The following DLC1 variants were observed in gnomAD, a reference collection of about 807,000 sequenced individuals.
DLC1 encodes the protein DLC1 Rho GTPase activating protein.
In DLC1, 54 loss-of-function variants were observed where a neutral mutation model predicts 140.3. The ratio of observed to expected loss-of-function variants is 0.38; its 90% CI spans 0.31 to 0.48. The LOEUF is 0.48. Ranked by LOEUF, DLC1 falls within the 20% of genes least tolerant of loss-of-function variation. The pLI, the probability that DLC1 is intolerant of heterozygous loss-of-function variation, is 0.96. For missense variants in DLC1, 2,536 were observed against 1,907.0 expected (o/e 1.33, Z -6.14); for synonymous variants, 986 against 728.1 (o/e 1.35, Z -5.70).
chr8:13,137,796 C>T (rs1054873641), intron 5 of DLC1, among the ~76,000 whole-genome samples: 2 of 151,738 alleles, frequency 1.3e-5, no homozygotes, highest in Admixed American at 6.6e-5. Context: ...TGGGGTTTCA[C>T]CACATTGGCC....
At chr8:13,143,844 G>GAGAGAGAGAGAGAGAC (rs1554584116) in intron 5 of DLC1, among the ~76,000 whole-genome samples, 44 of 148,264 alleles carry the variant, frequency 3.0e-4, no homozygotes, top group Admixed American at 1.5e-3. Flanking sequence ...GAGAGAGAGA[G>GAGAGAGAGAGAGAGAC]AGAGAGAGAC....
At chr8:13,138,145 C>G (rs1822706300) in intron 5 of DLC1, among the ~76,000 whole-genome samples, 1 of 152,120 alleles carries the variant, frequency 6.6e-6, no homozygotes, top group African/African-American at 2.4e-5. Context: ...TTAAAAAACA[C>G]TAAAGCACTG....
At chr8:13,372,145 A>AGT (rs56329029) in intron 4 of DLC1, among the ~76,000 whole-genome samples, 1,645 of 150,192 alleles carry the variant, frequency 0.011, 14 homozygotes, top group Middle Eastern at 0.034. Flanking sequence ...TTCAAAAAAA[A>AGT]GTGTGTGTGT....
chr8:13,268,459 C>T (rs911827057), intron 5 of DLC1, among the ~76,000 whole-genome samples: 1 of 152,078 alleles, frequency 6.6e-6, no homozygotes, highest in African/African-American at 2.4e-5. Context: ...GGACTACAGG[C>T]GCGCAGCCTC....
At position 13,133,360 on chromosome 8, in the gene DLC1, C is replaced by A. The variant is rs182582192; in HGVS notation, c.1349-17703G>T. 7.9e-5 allele frequency: 83 copies of A among 1,052,868 alleles called. No homozygotes were observed. The African/African-American group carries it at 1.4e-3, about 18-fold the overall frequency. 65.2% of individuals were successfully genotyped at this position (1,052,868 alleles called of 1,614,324 possible). On this transcript the variant is annotated intron_variant, in intron 5 of 17. Transcript: ENST00000276297. Reference sequence around the variant, plus strand: ...CCCCGAGGGGCGGGGCCAGAGCGGGCGGCACCGCCTCCTCCCCGCTGTCTG... The same window carrying A: ...CCCCGAGGGGCGGGGCCAGAGCGGGAGGCACCGCCTCCTCCCCGCTGTCTG...
chr8:13,420,487 C>A (rs1193366769), intron 2 of DLC1, among the ~76,000 whole-genome samples: 2 of 152,048 alleles, frequency 1.3e-5, no homozygotes, highest in African/African-American at 2.4e-5. Flanking sequence ...GTTTGCTGCA[C>A]CTATCAACCC....
intron 4 of DLC1, among the ~76,000 whole-genome samples, chr8:13,335,009 C>G (rs147546484): frequency 1.2e-4 from 18 of 152,266 alleles, no homozygotes; most frequent in Non-Finnish European, 1.6e-4. Flanking sequence ...CTCAGGGGCT[C>G]TAGCTGGTTG....
Position 13,092,731 on chromosome 8 carries a change from G to T in DLC1, c.3621C>A (p.Phe1207Leu), listed in dbSNP as rs746095054. Residue 1207 changes from phenylalanine to leucine, a missense_variant, in exon 13 of 18, where the codon TTC (phenylalanine) becomes TTA (leucine). Physicochemically the swap from Phe to Leu is conservative, Grantham distance 22. Coordinates refer to ENST00000276297, the MANE Select transcript of DLC1 (RefSeq NM_182643.3). The stretch of plus-strand genomic sequence containing the variant: ...TTACGGCTGCTGTGACATCGCTCAG[G>T]AAATAAAGCAGGGTCTGCAGAACCT... ...NREVLQTLLY[F>L]LSDVTAAVKE... 6.2e-7 allele frequency: 1 copy of T among 1,614,166 alleles called. No homozygotes were observed. Among genetic ancestry groups the T allele is most frequent in the Non-Finnish European group, 8.5e-7 (1 of 1,180,026 alleles).
intron 5 of DLC1, among the ~76,000 whole-genome samples, chr8:13,217,616 T>C (rs932637519): frequency 6.6e-6 from 1 of 152,026 alleles, no homozygotes; most frequent in South Asian, 2.1e-4. Context: ...GGGCGGATTA[T>C]GAGGTCAGGA....
At chr8:13,519,216 C>CT (rs1354643927), upstream of DLC1, among the ~76,000 whole-genome samples, 1 of 151,324 alleles carries the variant, frequency 6.6e-6, no homozygotes, top group Non-Finnish European at 1.5e-5. Context: ...CAAGCTCCGC[C>CT]TCCTAGGTTC....
At chr8:13,493,235 A>G (rs922345287) in intron 2 of DLC1, among the ~76,000 whole-genome samples, 2 of 152,196 alleles carry the variant, frequency 1.3e-5, no homozygotes, top group African/African-American at 2.4e-5. Context: ...GCAGAGCTAT[A>G]TATACCTACC....
At chr8:13,362,611 T>A (rs1310241802) in intron 4 of DLC1, among the ~76,000 whole-genome samples, 5 of 152,004 alleles carry the variant, frequency 3.3e-5, no homozygotes, top group Non-Finnish European at 5.9e-5. Context: ...GCCTAATTTT[T>A]CAATGGATGT....
At chr8:13,495,524 C>T (rs1801460507) in intron 2 of DLC1, among the ~76,000 whole-genome samples, 1 of 152,104 alleles carries the variant, frequency 6.6e-6, no homozygotes, top group African/African-American at 2.4e-5. Flanking sequence ...TCAGTGGCTT[C>T]AATTTCATTA....
At chr8:13,461,552 T>G (rs1799658149) in intron 2 of DLC1, among the ~76,000 whole-genome samples, 1 of 152,258 alleles carries the variant, frequency 6.6e-6, no homozygotes, top group African/African-American at 2.4e-5. Flanking sequence ...TCTGTAGTTT[T>G]TAATAATGAT....
intron 1 of DLC1, among the ~76,000 whole-genome samples, chr8:13,506,797 A>G (rs982109926): frequency 6.6e-6 from 1 of 152,010 alleles, no homozygotes; most frequent in African/African-American, 2.4e-5. Flanking sequence ...AACAGTTTCT[A>G]AAATGCTCTC....
At chr8:13,161,547 C>G (rs904175862) in intron 5 of DLC1, among the ~76,000 whole-genome samples, 1 of 152,014 alleles carries the variant, frequency 6.6e-6, no homozygotes, top group Admixed American at 6.6e-5. Flanking sequence ...GCTTTGTTGC[C>G]GCTGGTCTTG....
intron 4 of DLC1, among the ~76,000 whole-genome samples, chr8:13,365,275 G>A (rs2117092816): frequency 6.6e-6 from 1 of 152,182 alleles, no homozygotes; most frequent in Middle Eastern, 3.4e-3. Flanking sequence ...AGCATGCTAG[G>A]CTATTGAATG....
chr8:13,592,627 T>C (rs191674676), intron 1 of DLC1, among the ~76,000 whole-genome samples: 3 of 152,172 alleles, frequency 2.0e-5, no homozygotes, highest in Admixed American at 1.3e-4. Flanking sequence ...GAGTAAGTCT[T>C]GGATAGCTAA....
intron 5 of DLC1, chr8:13,214,761 T>A: frequency 1.3e-6 from 1 of 780,962 alleles, no homozygotes; most frequent in African/African-American, 1.7e-5. Flanking sequence ...CTTCCAACTT[T>A]ACTGATTTTA....
Sources: allele counts gnomAD v4.1 joint callset (sites outside exome capture counted in the v4.1 genomes callset), GRCh38; gene constraint gnomAD v4.1.1; transcripts MANE v1.5; gene names NCBI Gene and HGNC (gene_info 2026-07-23, HGNC 2026-07-21).